Variants in HS6ST2 observed in about 807,000 individuals in gnomAD.
HS6ST2 encodes the protein heparan-sulfate 6-O-sulfotransferase 2.
In HS6ST2, 17 loss-of-function variants were observed where a neutral mutation model predicts 33.0. That is an observed-to-expected ratio of 0.52 (90% CI 0.35 to 0.77). The LOEUF (loss-of-function observed/expected upper bound fraction) is 0.77, where lower values mean the gene tolerates loss of function less well. HS6ST2 is among the 30% of genes least tolerant of loss of function. The pLI, the probability that HS6ST2 is intolerant of heterozygous loss-of-function variation, is 0.01. For missense variants in HS6ST2, 519 were observed against 551.7 expected, an observed-to-expected ratio of 0.94 and a Z score of 0.59; for synonymous variants, 248 against 237.1, an observed-to-expected ratio of 1.05 and a Z score of -0.42.
At chrX:132,754,870 C>T (rs1052814440) in intron 2 of HS6ST2, among the ~76,000 whole-genome samples, 6 of 110,843 alleles carry the variant, frequency 5.4e-5, no homozygotes, top group Admixed American at 9.6e-5. Flanking sequence ...TGCCACCATG[C>T]CTGGCTAATT....
intron 2 of HS6ST2, among the ~76,000 whole-genome samples, chrX:132,756,820 GGTGTGTGT>G (rs3065679): frequency 1.8e-4 from 18 of 97,331 alleles, no homozygotes; most frequent in South Asian, 5.5e-4. Context: ...CCCTGTGCAT[GGTGTGTGT>G]GTGTGTGTGT....
At chrX:132,768,794 T>C (rs1332213659) in intron 2 of HS6ST2, among the ~76,000 whole-genome samples, 1 of 112,507 alleles carries the variant, frequency 8.9e-6, no homozygotes, top group African/African-American at 3.2e-5. Flanking sequence ...ACATACTGAG[T>C]TTTCTTTCTC....
At chrX:132,914,300 G>A (rs1032269303) in intron 2 of HS6ST2, among the ~76,000 whole-genome samples, 1 of 111,510 alleles carries the variant, frequency 9.0e-6, no homozygotes, top group African/African-American at 3.3e-5. Flanking sequence ...TGCTTAAATT[G>A]ACCAGGGAGT....
intron 2 of HS6ST2, among the ~76,000 whole-genome samples, chrX:132,838,964 C>T (rs1412386910): frequency 5.0e-5 from 4 of 80,491 alleles, no homozygotes; most frequent in African/African-American, 2.1e-4. Context: ...ATTAAAAAGT[C>T]GGAAAAAAAA....
intron 2 of HS6ST2, among the ~76,000 whole-genome samples, chrX:132,772,767 AAT>A (rs1474572250): frequency 3.3e-5 from 3 of 91,520 alleles, no homozygotes; most frequent in East Asian, 6.5e-4. Flanking sequence ...TATAATATAT[AAT>A]ATATATATTA....
chrX:132,870,807 A>G (rs2066049829), intron 2 of HS6ST2, among the ~76,000 whole-genome samples: 1 of 112,196 alleles, frequency 8.9e-6, no homozygotes, highest in African/African-American at 3.2e-5. Flanking sequence ...TAAAACCATA[A>G]AATCCCTAGA....
rs1222741022 is a variant in HS6ST2 at position 132,911,060 on chromosome X, G to A, written c.947+45748C>T. Reference sequence around the variant, plus strand: ...AGCTACCAGGGAGGCTGAGGCAGGAGAATCACTTGAACTCGGGAGGCAGAG... The same window carrying A: ...AGCTACCAGGGAGGCTGAGGCAGGAAAATCACTTGAACTCGGGAGGCAGAG... On this transcript the variant is annotated intron_variant, in intron 2 of 4. Coordinates refer to ENST00000370833, the MANE Select transcript of HS6ST2 (RefSeq NM_001394073.1). Among the ~76,000 whole-genome samples the A allele has an allele frequency of 2.8e-5, 3 of 107,761 alleles. No homozygotes were observed. The South Asian group carries it at 1.3e-3, about 45-fold the overall frequency. The allele number at this position is 107,761 out of a possible 115,157, so 93.6% of individuals were successfully genotyped here. A position where few individuals can be genotyped will look rare whatever the true frequency, so the allele number is the denominator to read the frequency against.
chrX:132,725,660 G>A (rs1427507014), intron 2 of HS6ST2, among the ~76,000 whole-genome samples: 3 of 112,210 alleles, frequency 2.7e-5, no homozygotes, highest in Non-Finnish European at 3.8e-5. Context: ...CCACTGCTGA[G>A]TATATATGCA....
At chrX:132,940,234 AT>A (rs2066872759) in intron 2 of HS6ST2, among the ~76,000 whole-genome samples, 1 of 112,406 alleles carries the variant, frequency 8.9e-6, no homozygotes, top group Non-Finnish European at 1.9e-5. Context: ...TATTACCTAA[AT>A]AAAAAAGGAT....
intron 2 of HS6ST2, among the ~76,000 whole-genome samples, chrX:132,778,929 CA>C (rs1350509282): frequency 3.6e-5 from 4 of 111,652 alleles, no homozygotes; most frequent in Non-Finnish European, 7.5e-5. Context: ...AAAGGTGCTT[CA>C]AAACATTTTT....
intron 2 of HS6ST2, among the ~76,000 whole-genome samples, chrX:132,772,167 G>A (rs1459725732): frequency 6.3e-5 from 7 of 111,084 alleles, no homozygotes; most frequent in African/African-American, 2.3e-4. Context: ...CACTTTTCTC[G>A]AGATCTGTGT....
rs367830726 is a variant in HS6ST2, at chrX:132,656,200, A to G, written c.1067+12913T>C. On this transcript the variant is annotated intron_variant, in intron 4 of 4. Coordinates refer to ENST00000370833, the MANE Select transcript of HS6ST2 (RefSeq NM_001394073.1). ...AGTCTGGTCCCTTTCATCTGTTCAG[A>G]GCAATTTGGCCATATGAAAGGAAGC... Among the ~76,000 whole-genome samples the G allele has an allele frequency of 1.9e-4, 21 of 111,288 alleles. No individual in the cohort carries two copies. In the East Asian group the frequency reaches 5.6e-3, roughly 30 times the overall value.
chrX:132,748,565 C>T (rs2148295131), intron 2 of HS6ST2, among the ~76,000 whole-genome samples: 1 of 111,626 alleles, frequency 9.0e-6, no homozygotes, highest in South Asian at 3.8e-4. Context: ...GAGCTGAGTC[C>T]TAACGCTTGG....
intron 2 of HS6ST2, among the ~76,000 whole-genome samples, chrX:132,867,375 G>A (rs899759657): frequency 6.4e-5 from 7 of 109,295 alleles, no homozygotes; most frequent in Admixed American, 5.9e-4. Flanking sequence ...TGCTGGATTC[G>A]GTTTGCCAGT....
intron 2 of HS6ST2, 150 bp downstream of exon 2, chrX:132,956,658 T>A (rs2067075435): frequency 1.7e-6 from 1 of 601,513 alleles, no homozygotes; most frequent in Non-Finnish European, 2.4e-6. Context: ...GCGGCGAACG[T>A]GCGCTACTGG....
chrX:132,941,836 T>A (rs1480656652), intron 2 of HS6ST2, among the ~76,000 whole-genome samples: 1 of 111,367 alleles, frequency 9.0e-6, no homozygotes, highest in African/African-American at 3.3e-5. Context: ...AAAAACAAAC[T>A]GAAGGAGGCA....
chrX:132,922,725 G>C (rs750190212), intron 2 of HS6ST2, among the ~76,000 whole-genome samples: 1 of 111,337 alleles, frequency 9.0e-6, no homozygotes, highest in Non-Finnish European at 1.9e-5. Context: ...TATTGGTTCG[G>C]TTCAGAAAGG....
chrX:132,839,272 G>GTATA lies in HS6ST2; in HGVS notation c.947+117532_947+117535dup, dbSNP rs748319681. Reference sequence around the variant, plus strand: ...ACTGCATACAGAAAATGTAGTGTGTGTATATATATATATATATATATATAT... The same window carrying GTATA: ...ACTGCATACAGAAAATGTAGTGTGTGTATATATATATATATATATATATATATAT... On this transcript the variant is annotated intron_variant, in intron 2 of 4. Transcript: ENST00000370833. Among the ~76,000 whole-genome samples the GTATA allele has an allele frequency of 4.6e-3, 287 of 62,684 alleles. 3 individuals carry two copies. The highest frequency in any genetic ancestry group is 6.1e-3 in the Non-Finnish European group (208 of 34,272). 54.4% of individuals were successfully genotyped at this position (62,684 alleles called of 115,157 possible).
chrX:132,769,240 A>T (rs935690195), intron 2 of HS6ST2, among the ~76,000 whole-genome samples: 7 of 112,649 alleles, frequency 6.2e-5, no homozygotes, highest in Admixed American at 1.9e-4. Context: ...ATTATCCTGC[A>T]TTTTATGAGC....
Sources: gnomAD v4.1 joint callset for allele counts (sites outside exome capture counted in the v4.1 genomes callset) on GRCh38, gnomAD v4.1.1 for gene constraint, MANE v1.5 for transcripts, NCBI Gene and HGNC (gene_info 2026-07-23, HGNC 2026-07-21) for gene names.